The following IL1RAPL2 variants were observed in gnomAD, a reference collection of about 807,000 sequenced individuals.
IL1RAPL2 encodes interleukin 1 receptor accessory protein like 2, also known as X-linked interleukin-1 receptor accessory protein-like 2.
A neutral mutation model predicts 44.1 loss-of-function variants in IL1RAPL2; 3 were observed. The observed-to-expected ratio is 0.07, with a 90% CI of 0.03 to 0.18. IL1RAPL2 has a LOEUF of 0.18. Among genes scored for constraint, IL1RAPL2 ranks in the 10% least tolerant of loss-of-function variants. The pLI is 1.00. For synonymous variants in IL1RAPL2, 181 were observed against 178.8 expected (o/e 1.01, Z -0.10); for missense variants, 391 against 496.4 (o/e 0.79, Z 2.02).
chrX:104,730,535 C>A (rs1418708928), intron 2 of IL1RAPL2, among the ~76,000 whole-genome samples: 1 of 106,065 alleles, frequency 9.4e-6, no homozygotes, highest in African/African-American at 3.4e-5. Context: ...ATCCATGTCC[C>A]TACAAAGGAC....
intron 6 of IL1RAPL2, among the ~76,000 whole-genome samples, chrX:105,518,917 A>G (rs2036535533): frequency 1.8e-5 from 2 of 111,104 alleles, no homozygotes; most frequent in African/African-American, 6.6e-5. Context: ...CTATGCTACC[A>G]CCCAAGCATC....
chrX:104,826,142 TTCTTG>T (rs1397189377), intron 2 of IL1RAPL2, among the ~76,000 whole-genome samples: 1 of 111,923 alleles, frequency 8.9e-6, no homozygotes, highest in African/African-American at 3.2e-5. Flanking sequence ...TATTAGTTAT[TTCTTG>T]TCTTCTGCTA....
At chrX:104,685,652 G>A (rs940685943) in intron 2 of IL1RAPL2, among the ~76,000 whole-genome samples, 30 of 111,438 alleles carry the variant, frequency 2.7e-4, no homozygotes, top group Non-Finnish European at 4.7e-4. Flanking sequence ...GAAAGCATTA[G>A]GAGATATACC....
intron 5 of IL1RAPL2, among the ~76,000 whole-genome samples, chrX:105,353,482 G>A (rs2035174559): frequency 9.0e-6 from 1 of 111,728 alleles, no homozygotes; most frequent in Non-Finnish European, 1.9e-5. Flanking sequence ...GTCATTGGAA[G>A]CTTGATGGGG....
chrX:104,570,712 C>A (rs1028607805), intron 1 of IL1RAPL2, among the ~76,000 whole-genome samples: 3 of 111,978 alleles, frequency 2.7e-5, no homozygotes, highest in Non-Finnish European at 3.8e-5. Context: ...GGTTCCAAAT[C>A]TTTTGTCAAA....
intron 2 of IL1RAPL2, among the ~76,000 whole-genome samples, chrX:104,924,547 A>G (rs1924728762): frequency 8.9e-6 from 1 of 111,851 alleles, no homozygotes; most frequent in African/African-American, 3.2e-5. Context: ...ACCAAGCATA[A>G]CTCTCAAAGC....
At chrX:104,803,597 C>T (rs1411009703) in intron 2 of IL1RAPL2, among the ~76,000 whole-genome samples, 1 of 112,398 alleles carries the variant, frequency 8.9e-6, no homozygotes, top group African/African-American at 3.2e-5. Context: ...TCAAGCTCTC[C>T]ATCTTTTGTA....
chrX:105,735,153 G>T (rs1201144957), intron 7 of IL1RAPL2, among the ~76,000 whole-genome samples: 1 of 111,169 alleles, frequency 9.0e-6, no homozygotes, highest in Non-Finnish European at 1.9e-5. Flanking sequence ...GTATTAATTT[G>T]TACTAATAGT....
chrX:105,657,596 C>G (rs1424468862), intron 6 of IL1RAPL2, among the ~76,000 whole-genome samples: 1 of 111,830 alleles, frequency 8.9e-6, no homozygotes, highest in Non-Finnish European at 1.9e-5. Flanking sequence ...ACTAAAAGAC[C>G]TGAATCAACA....
intron 6 of IL1RAPL2, among the ~76,000 whole-genome samples, chrX:105,599,789 G>A (rs147346277): frequency 1.3e-3 from 142 of 110,910 alleles, no homozygotes; most frequent in Admixed American, 0.011. Flanking sequence ...TAACTTTGGC[G>A]TAGTCCTTGC....
At chrX:105,032,219 T>C (rs1204798129) in intron 2 of IL1RAPL2, among the ~76,000 whole-genome samples, 2 of 110,158 alleles carry the variant, frequency 1.8e-5, no homozygotes, top group Admixed American at 2.0e-4. Context: ...TTTGTGTCTC[T>C]ATTTCCTTCA....
At chrX:105,270,650 A>G (rs964560248) in intron 5 of IL1RAPL2, among the ~76,000 whole-genome samples, 3 of 112,031 alleles carry the variant, frequency 2.7e-5, no homozygotes, top group Non-Finnish European at 5.6e-5. Context: ...GCTACTTGGT[A>G]TGGAAGTTCA....
At chrX:105,097,624 A>G in intron 2 of IL1RAPL2, among the ~76,000 whole-genome samples, 1 of 111,867 alleles carries the variant, frequency 8.9e-6, no homozygotes, top group Non-Finnish European at 1.9e-5. Flanking sequence ...ACAAAAGCCT[A>G]TTTATTGAGT....
At chrX:105,756,779 T>C (rs1224544308) in intron 10 of IL1RAPL2, among the ~76,000 whole-genome samples, 1 of 111,571 alleles carries the variant, frequency 9.0e-6, no homozygotes, top group Non-Finnish European at 1.9e-5. Context: ...CTTGAAATAC[T>C]ATTCTACATT....
At chrX:104,951,622 G>C (rs1332711765) in intron 2 of IL1RAPL2, among the ~76,000 whole-genome samples, 2 of 112,437 alleles carry the variant, frequency 1.8e-5, no homozygotes, top group Non-Finnish European at 3.8e-5. Flanking sequence ...ATTTACTCTG[G>C]GCAATCTACC....
At chrX:104,957,601 A>G (rs1348404890) in intron 2 of IL1RAPL2, among the ~76,000 whole-genome samples, 1 of 112,253 alleles carries the variant, frequency 8.9e-6, no homozygotes, top group African/African-American at 3.2e-5. Flanking sequence ...GAAACTGGCA[A>G]TTTGGGAACT....
chrX:104,784,388 G>C (rs1043261984), intron 2 of IL1RAPL2, among the ~76,000 whole-genome samples: 2 of 110,971 alleles, frequency 1.8e-5, no homozygotes, highest in Admixed American at 1.9e-4. Flanking sequence ...CTGATATTCA[G>C]GCCAGTTCAT....
chrX:104,818,762 T>C (rs1921215897), intron 2 of IL1RAPL2, among the ~76,000 whole-genome samples: 1 of 109,669 alleles, frequency 9.1e-6, no homozygotes, highest in Non-Finnish European at 1.9e-5. Context: ...GGATCTATTT[T>C]TTATAATATA....
chrX:104,651,184 T>G (rs1248035933), intron 1 of IL1RAPL2, among the ~76,000 whole-genome samples: 1 of 112,268 alleles, frequency 8.9e-6, no homozygotes. Flanking sequence ...TTTCTAATTC[T>G]GACTGATTTT....
Sources: gnomAD v4.1 joint callset for allele counts (sites outside exome capture counted in the v4.1 genomes callset) on GRCh38, gnomAD v4.1.1 for gene constraint, MANE v1.5 for transcripts, NCBI Gene and HGNC (gene_info 2026-07-23, HGNC 2026-07-21) for gene names.